The following TENM3 variants were observed in gnomAD, a reference collection of about 807,000 sequenced individuals.
The protein encoded by TENM3 is teneurin transmembrane protein 3.
In TENM3, 63 loss-of-function variants were observed where a neutral mutation model predicts 255.1. The observed-to-expected ratio is 0.25, with a 90% CI of 0.20 to 0.30. The LOEUF (loss-of-function observed/expected upper bound fraction) is 0.30. Ranked by LOEUF, TENM3 falls within the 10% of genes least tolerant of loss-of-function variation. TENM3 has a pLI of 1.00. For missense variants in TENM3, 2,929 were observed against 3,461.1 expected (o/e 0.85, Z 3.86); for synonymous variants, 1,306 against 1,322.3 (o/e 0.99, Z 0.27).
intron 1 of TENM3, chr4:182,145,317 G>A (rs556790435): frequency 2.0e-5 from 3 of 152,486 alleles, no homozygotes; most frequent in East Asian, 3.9e-4. Flanking sequence ...GTGGGGAGTG[G>A]TGGATCACGG....
At chr4:182,015,648 C>T in the TENM3 span, among the ~76,000 whole-genome samples, 1 of 152,128 alleles carries the variant, frequency 6.6e-6, no homozygotes, top group Non-Finnish European at 1.5e-5. Flanking sequence ...GCAACCTCCG[C>T]CTCCTGGGTT....
the TENM3 span, among the ~76,000 whole-genome samples, chr4:181,667,559 T>C: frequency 6.6e-6 from 1 of 152,052 alleles, no homozygotes; most frequent in Non-Finnish European, 1.5e-5. Flanking sequence ...AGTGAGTTTG[T>C]TATGGAGGGG....
At chr4:182,504,840 A>C (rs1263679701) in intron 3 of TENM3, among the ~76,000 whole-genome samples, 1 of 152,076 alleles carries the variant, frequency 6.6e-6, no homozygotes, top group African/African-American at 2.4e-5. Context: ...TGTTTCAGTA[A>C]ATTGTTCTGC....
the TENM3 span, among the ~76,000 whole-genome samples, chr4:181,817,871 T>C: frequency 1.3e-5 from 2 of 152,192 alleles, no homozygotes; most frequent in Non-Finnish European, 2.9e-5. Context: ...GTCTGCTGTA[T>C]CCTGTTATAG....
At chr4:182,203,353 T>C (rs1754332566) in intron 1 of TENM3, among the ~76,000 whole-genome samples, 1 of 152,208 alleles carries the variant, frequency 6.6e-6, no homozygotes, top group Admixed American at 6.5e-5. Flanking sequence ...GGTAAAAGTT[T>C]AGGGCATTGG....
At chr4:181,776,103 T>A in the TENM3 span, among the ~76,000 whole-genome samples, 1 of 152,126 alleles carries the variant, frequency 6.6e-6, no homozygotes, top group African/African-American at 2.4e-5. Flanking sequence ...ACTTCTGATA[T>A]CTATCATTCA....
At chr4:182,137,353 T>A in the TENM3 span, among the ~76,000 whole-genome samples, 1 of 144,096 alleles carries the variant, frequency 6.9e-6, no homozygotes, top group Non-Finnish European at 1.5e-5. Flanking sequence ...CAAAAAGGAA[T>A]GAATTACATT....
At chr4:181,667,003 A>G in the TENM3 span, among the ~76,000 whole-genome samples, 113 of 152,326 alleles carry the variant, frequency 7.4e-4, 1 homozygote, top group East Asian at 0.016. Flanking sequence ...CAGACATACT[A>G]TCATACTTTG....
At chr4:181,635,612 C>T in the TENM3 span, among the ~76,000 whole-genome samples, 4 of 152,152 alleles carry the variant, frequency 2.6e-5, no homozygotes, top group East Asian at 7.7e-4. Flanking sequence ...CAGAGAGCCA[C>T]CAAGCTACCT....
In TENM3 at chr4:182,738,228, A is replaced by G. The variant is rs184206627; in HGVS notation, c.3236-173A>G. ...AAATAATATTTGGAGATCTTTTTTT[A>G]AAAAAAAATCTTTGGTGAAATCTTC... On this transcript the variant is annotated intron_variant, in intron 17 of 27. Transcript: ENST00000511685. Among the ~76,000 whole-genome samples, 5 of 150,776 alleles carry G rather than the reference A, an allele frequency of 3.3e-5. No individual in the cohort carries two copies. The East Asian group carries it at 9.7e-4, about 29-fold the overall frequency.
chr4:182,169,180 G>C (rs1408391390), intron 1 of TENM3: 1 of 445,304 alleles, frequency 2.2e-6, no homozygotes, highest in Non-Finnish European at 4.5e-6. Context: ...GAAAATTAAT[G>C]AGATTAATTC....
At chr4:182,025,836 T>G in the TENM3 span, among the ~76,000 whole-genome samples, 1 of 152,146 alleles carries the variant, frequency 6.6e-6, no homozygotes, top group Non-Finnish European at 1.5e-5. Flanking sequence ...TTTAATTTTT[T>G]TTATTATACT....
intron 7 of TENM3, 143 bp from the exon 8 acceptor site, chr4:182,679,523 A>T: frequency 4.6e-6 from 3 of 651,804 alleles, no homozygotes. Context: ...TGCATGGGAG[A>T]CTTCTACCAT....
the TENM3 span, among the ~76,000 whole-genome samples, chr4:181,836,249 G>T: frequency 6.6e-6 from 1 of 151,126 alleles, no homozygotes; most frequent in Non-Finnish European, 1.5e-5. Context: ...AGGAATTCTA[G>T]TCAAAATACT....
the TENM3 span, among the ~76,000 whole-genome samples, chr4:181,776,700 G>T: frequency 6.6e-6 from 1 of 151,974 alleles, no homozygotes; most frequent in African/African-American, 2.4e-5. Context: ...TCATGTACCT[G>T]TTGGTCATTT....
chr4:181,660,156 A>G, the TENM3 span, among the ~76,000 whole-genome samples: 1 of 152,294 alleles, frequency 6.6e-6, no homozygotes, highest in East Asian at 1.9e-4. Context: ...AATTCGCTCT[A>G]TACTGGGAAC....
At chr4:182,382,322 T>C (rs1008012947) in intron 3 of TENM3, among the ~76,000 whole-genome samples, 5 of 151,652 alleles carry the variant, frequency 3.3e-5, no homozygotes, top group Non-Finnish European at 2.9e-5. Context: ...GGCTGATTCA[T>C]TGCATCAACT....
the TENM3 span, among the ~76,000 whole-genome samples, chr4:181,772,736 C>A: frequency 6.6e-6 from 1 of 152,128 alleles, no homozygotes; most frequent in Non-Finnish European, 1.5e-5. Flanking sequence ...CAAATGAAAT[C>A]ACGTCATCAT....
the TENM3 span, among the ~76,000 whole-genome samples, chr4:181,778,381 T>G: frequency 5.9e-5 from 9 of 152,320 alleles, no homozygotes; most frequent in African/African-American, 2.2e-4. Context: ...TTGGTAACTT[T>G]ATTGTAAGAA....
Sources: allele counts gnomAD v4.1 joint callset (sites outside exome capture counted in the v4.1 genomes callset), GRCh38; gene constraint gnomAD v4.1.1; transcripts MANE v1.5; gene names NCBI Gene and HGNC (gene_info 2026-07-23, HGNC 2026-07-21).